The following PIK3IP1 variants were observed in gnomAD, a reference collection of about 807,000 sequenced individuals.
PIK3IP1 encodes the protein phosphoinositide-3-kinase-interacting protein 1.
A neutral mutation model predicts 30.7 loss-of-function variants in PIK3IP1; 28 were observed. The ratio of observed to expected loss-of-function variants is 0.91; its 90% CI spans 0.68 to 1.25. PIK3IP1 has a LOEUF of 1.25. Among genes scored for constraint, PIK3IP1 ranks in the 50% most tolerant of loss-of-function variants. The probability of loss-of-function intolerance (pLI) is 0.00; values close to 1 mark genes in which losing one functional copy is unlikely to be tolerated. For missense variants in PIK3IP1, 333 were observed against 346.2 expected (o/e 0.96, Z 0.30); for synonymous variants, 159 against 140.8 (o/e 1.13, Z -0.91).
intron 5 of PIK3IP1, among the ~76,000 whole-genome samples, chr22:31,284,767 CAG>C (rs1443890270): frequency 2.0e-5 from 3 of 152,128 alleles, no homozygotes; most frequent in Non-Finnish European, 4.4e-5. Context: ...GAAGCTAGTG[CAG>C]ACAGTACACT....
chr22:31,291,458 A>ACCCCCC (rs2049178341), intron 1 of PIK3IP1, among the ~76,000 whole-genome samples, 162 bp from the exon 2 acceptor site: 2 of 52,286 alleles, frequency 3.8e-5, no homozygotes, highest in African/African-American at 7.7e-5. Context: ...CAACACCCCC[A>ACCCCCC]CGCCCCACGC....
chr22:31,291,691 T>C lies in PIK3IP1; in HGVS notation c.71-395A>G, dbSNP rs186735313. Among the ~76,000 whole-genome samples, 20 of 152,250 alleles carry C rather than the reference T, an allele frequency of 1.3e-4. No individual in the cohort carries two copies. In the East Asian group the frequency reaches 3.9e-3, roughly 29 times the overall value. ...GGGTCCCTTTGAGGAGCTGGGAGTTTTGGGACGGGGGGCGCCCAGACGTGA... is the reference window on the plus strand; with the variant it reads ...GGGTCCCTTTGAGGAGCTGGGAGTTCTGGGACGGGGGGCGCCCAGACGTGA... On this transcript the variant is annotated intron_variant, in intron 1 of 5. Transcript: ENST00000215912.
At chr22:31,287,161 G>T (rs1297848214) in intron 5 of PIK3IP1, among the ~76,000 whole-genome samples, 1 of 150,654 alleles carries the variant, frequency 6.6e-6, no homozygotes, top group Non-Finnish European at 1.5e-5. Context: ...AGGACTACAG[G>T]CGCCCACCAC....
intron 3 of PIK3IP1, chr22:31,290,749 T>G: frequency 3.2e-6 from 2 of 623,154 alleles, no homozygotes; most frequent in Non-Finnish European, 5.0e-6. Context: ...CCCCGCGCAG[T>G]TGTTTACAAG....
intron 3 of PIK3IP1, 47 bp downstream of exon 3, chr22:31,290,918 T>A: frequency 6.5e-7 from 1 of 1,529,610 alleles, no homozygotes; most frequent in Non-Finnish European, 8.7e-7. Context: ...CTCAGCCGCT[T>A]CCTGTCAGCG....
chr22:31,283,182 C>A lies in PIK3IP1; in HGVS notation c.694G>T (p.Asp232Tyr), dbSNP rs2049103063. 6.2e-7 allele frequency: 1 copy of A among 1,614,096 alleles called. No homozygotes were observed. The highest frequency in any genetic ancestry group is 1.7e-5 in the Admixed American group (1 of 60,004). Residue 232 changes from aspartate to tyrosine, a missense_variant, in exon 6 of 6, where the codon GAT (aspartate) becomes TAT (tyrosine). Transcript: ENST00000215912. The stretch of plus-strand genomic sequence containing the variant: ...GTGTGGACCACGACAGTCTTCTCAT[C>A]CACAATCTCACAGGTGGGGTTGGTG... ...AFTNPTCEIV[D>Y]EKTVVVHTSQ...
At position 31,282,797 on chromosome 22, in the gene PIK3IP1, A is replaced by C. The variant is rs1446066675; in HGVS notation, c.*287T>G. On this transcript the variant is annotated 3_prime_UTR_variant, in exon 6 of 6. Coordinates refer to ENST00000215912, the MANE Select transcript of PIK3IP1 (RefSeq NM_052880.5). ...CTGGTTCAGTTCCAGGGGTGCAGGC[A>C]ATGTTTGGAAGCCCTTAGCAGCAGC... 2.6e-6 allele frequency: 1 copy of C among 381,642 alleles called. No individual in the cohort carries two copies. Among genetic ancestry groups the C allele is most frequent in the Admixed American group, 3.8e-5 (1 of 26,388 alleles). The allele number at this position is 381,642 out of a possible 1,614,324, so 23.6% of individuals were successfully genotyped here.
At chr22:31,292,504 A>G (rs1310818635), upstream of PIK3IP1, 3 of 614,216 alleles carry the variant, frequency 4.9e-6, no homozygotes, top group Non-Finnish European at 5.8e-6. Context: ...CTTCCCAGCT[A>G]GCTTGCTGCA....
chr22:31,287,582 G>A (rs146502262), intron 5 of PIK3IP1, among the ~76,000 whole-genome samples: 6 of 146,100 alleles, frequency 4.1e-5, no homozygotes, highest in African/African-American at 7.6e-5. Flanking sequence ...TGCCCGCCTC[G>A]GCCTCCCAAA....
In PIK3IP1 at chr22:31,291,270, A is replaced by G. The variant is rs373917831; in HGVS notation, c.97T>C (p.Tyr33His). Residue 33 changes from tyrosine to histidine, a missense_variant, in exon 2 of 6, where the codon TAC becomes CAC. By Grantham distance (83) the Tyr-to-His change is moderately conservative. Transcript: ENST00000215912. ...GGCFWDNGHL[Y>H]REDQTSPAPG... ...GCGGGGGAGGTCTGGTCCTCCCGGT[A>G]CAGGTGGCCGTTGTCCCAGAAACAG... is the stretch of plus-strand genomic sequence containing the variant. The G allele has an allele frequency of 3.9e-6, 6 of 1,555,604 alleles. No individual in the cohort carries two copies. The highest frequency in any genetic ancestry group is 5.2e-6 in the Non-Finnish European group (6 of 1,150,444).
intron 5 of PIK3IP1, chr22:31,288,985 G>A (rs1293526772): frequency 4.0e-6 from 2 of 494,844 alleles, no homozygotes; most frequent in East Asian, 6.3e-5. Context: ...TGTGGGATCA[G>A]ACAGCAGGGA....
At chr22:31,286,940 A>G (rs942270797) in intron 5 of PIK3IP1, among the ~76,000 whole-genome samples, 1 of 152,020 alleles carries the variant, frequency 6.6e-6, no homozygotes, top group Admixed American at 6.6e-5. Context: ...ATGTCCTCTC[A>G]AGTCAATACT....
At chr22:31,289,108 C>G (rs781356245) in intron 5 of PIK3IP1, 17 of 606,302 alleles carry the variant, frequency 2.8e-5, no homozygotes, top group Admixed American at 2.2e-4. Context: ...GGAACAAGAA[C>G]ATCCCTCACA....
intron 5 of PIK3IP1, among the ~76,000 whole-genome samples, chr22:31,286,258 T>C (rs1226413460): frequency 6.6e-6 from 1 of 152,214 alleles, no homozygotes; most frequent in Non-Finnish European, 1.5e-5. Context: ...ACCTGATTGG[T>C]GTGCTATTGT....
chr22:31,288,020 G>C (rs2049144737), intron 5 of PIK3IP1, among the ~76,000 whole-genome samples: 1 of 152,088 alleles, frequency 6.6e-6, no homozygotes, highest in Admixed American at 6.5e-5. Context: ...TGACTACAAG[G>C]CCTTTAAAGA....
intron 5 of PIK3IP1, among the ~76,000 whole-genome samples, chr22:31,285,701 A>G (rs573036625): frequency 1.3e-5 from 2 of 152,194 alleles, no homozygotes; most frequent in South Asian, 4.1e-4. Flanking sequence ...TTTCCTTTGC[A>G]ATTCAAAGCA....
chr22:31,292,217 G>A lies in PIK3IP1; in HGVS notation c.70+58C>T, dbSNP rs375438956. Reference sequence around the variant, plus strand: ...ATCCTGGCCCTGTTTGGGAAATAGGGGGCTTTACCCCTTCTGTTTCATGAA... The same window carrying A: ...ATCCTGGCCCTGTTTGGGAAATAGGAGGCTTTACCCCTTCTGTTTCATGAA... On this transcript the variant is annotated intron_variant, in intron 1 of 5. Transcript: ENST00000215912. 1.9e-6 allele frequency: 3 copies of A among 1,539,254 alleles called. No individual in the cohort carries two copies. The East Asian group carries it at 6.8e-5, about 35-fold the overall frequency.
intron 5 of PIK3IP1, among the ~76,000 whole-genome samples, chr22:31,287,757 C>T (rs2123888784): frequency 6.6e-6 from 1 of 152,158 alleles, no homozygotes; most frequent in Middle Eastern, 3.4e-3. Flanking sequence ...AAGCAATTTG[C>T]CCAGGGTCAC....
At chr22:31,292,242 A>G in intron 1 of PIK3IP1, 33 bp downstream of exon 1, 1 of 1,605,602 alleles carries the variant, frequency 6.2e-7, no homozygotes, top group Non-Finnish European at 8.5e-7. Context: ...TGTTTCATGA[A>G]GTTGCTGCGG....
Sources: allele counts gnomAD v4.1 joint callset (sites outside exome capture counted in the v4.1 genomes callset), GRCh38; gene constraint gnomAD v4.1.1; transcripts MANE v1.5; gene names NCBI Gene and HGNC (gene_info 2026-07-23, HGNC 2026-07-21).